Variants in CDK6 observed in about 807,000 individuals in gnomAD.
CDK6 encodes cyclin dependent kinase 6.
In CDK6, 6 loss-of-function variants were observed where a neutral mutation model predicts 37.1. The observed-to-expected ratio is 0.16, with a 90% CI of 0.09 to 0.32. The LOEUF (loss-of-function observed/expected upper bound fraction) is 0.32. Among genes scored for constraint, CDK6 ranks in the 10% least tolerant of loss-of-function variants. CDK6 has a pLI of 1.00. For synonymous variants in CDK6, 160 were observed against 161.3 expected, an observed-to-expected ratio of 0.99 and a Z score of 0.06; for missense variants, 224 against 418.9, an observed-to-expected ratio of 0.53 and a Z score of 4.06.
In CDK6 at chr7:92,609,494, A is replaced by G; in HGVS notation, c.*5646T>C. The G allele has an allele frequency of 1.7e-5, 4 of 229,138 alleles. No individual in the cohort carries two copies. In the East Asian group the frequency reaches 2.5e-4, roughly 14 times the overall value. The allele number at this position is 229,138 out of a possible 1,614,324, so 14.2% of individuals were successfully genotyped here. On this transcript the variant is annotated 3_prime_UTR_variant, in exon 8 of 8. Transcript: ENST00000424848. ...TTGTGATTCCACAAATGTTAAAATT[A>G]CCTGGTCTTTTGGTATTTTAGGGCT...
chr7:92,671,786 C>G (rs972721240), intron 4 of CDK6, among the ~76,000 whole-genome samples: 2 of 152,066 alleles, frequency 1.3e-5, no homozygotes, highest in African/African-American at 4.8e-5. Flanking sequence ...ACATGAGTTT[C>G]AGAAAGCAAA....
chr7:92,765,183 T>C (rs943946067), intron 3 of CDK6, among the ~76,000 whole-genome samples: 1 of 152,204 alleles, frequency 6.6e-6, no homozygotes, highest in Admixed American at 6.5e-5. Flanking sequence ...TTTTTAGATA[T>C]ATACTCCTGA....
At chr7:92,672,206 C>A (rs1045580853) in intron 4 of CDK6, among the ~76,000 whole-genome samples, 1 of 127,460 alleles carries the variant, frequency 7.8e-6, no homozygotes, top group Non-Finnish European at 1.7e-5. Context: ...CACACACACA[C>A]ACACACACAC....
chr7:92,809,542 C>T lies in CDK6; in HGVS notation c.233+23549G>A, dbSNP rs1396714000. Among the ~76,000 whole-genome samples the T allele has an allele frequency of 3.3e-5, 5 of 152,170 alleles. No individual in the cohort carries two copies. The South Asian group carries it at 1.0e-3, about 31-fold the overall frequency. ...ACTGAAGTTTGAACTCCATTTCCTT[C>T]CACTCCTGCCCTACTTATTAGGTTG... is the stretch of plus-strand genomic sequence containing the variant. On this transcript the variant is annotated intron_variant, in intron 2 of 7. Coordinates refer to ENST00000424848, the MANE Select transcript of CDK6 (RefSeq NM_001145306.2).
chr7:92,634,488 G>A (rs751875218), intron 5 of CDK6, among the ~76,000 whole-genome samples: 11 of 149,544 alleles, frequency 7.4e-5, no homozygotes, highest in Non-Finnish European at 1.0e-4. Flanking sequence ...TTTTTTTTTG[G>A]TAACAAAAAA....
chr7:92,605,663 TTTC>T lies in CDK6; in HGVS notation c.*9474_*9476del, dbSNP rs1333317016. ...TAGCCTTAGAGATAAGCTTTCTTTC[TTTC>T]TTCTTCTTTTGCTTCAAGAGGGCTT... On this transcript the variant is annotated 3_prime_UTR_variant, in exon 8 of 8. Transcript: ENST00000424848. 6 of 233,278 alleles carry T rather than the reference TTTC, an allele frequency of 2.6e-5. No homozygotes were observed. The highest frequency in any genetic ancestry group is 3.6e-4 in the South Asian group (2 of 5,526). 14.5% of individuals were successfully genotyped at this position (233,278 alleles called of 1,614,324 possible).
chr7:92,759,338 G>A (rs1427722929), intron 3 of CDK6, among the ~76,000 whole-genome samples: 1 of 152,100 alleles, frequency 6.6e-6, no homozygotes, highest in Non-Finnish European at 1.5e-5. Flanking sequence ...AGTGGTTTCT[G>A]TCTTAGTGAA....
intron 3 of CDK6, among the ~76,000 whole-genome samples, chr7:92,770,957 C>A (rs1344245697): frequency 1.3e-5 from 2 of 152,026 alleles, no homozygotes; most frequent in Non-Finnish European, 2.9e-5. Flanking sequence ...AAATATCTGG[C>A]CAGGCATGGT....
chr7:92,670,654 C>T lies in CDK6; in HGVS notation c.647+772G>A, dbSNP rs192182568. Among the ~76,000 whole-genome samples, 1,076 of 152,236 alleles carry T rather than the reference C, an allele frequency of 7.1e-3. 4 individuals carry two copies. Among genetic ancestry groups the T allele is most frequent in the Non-Finnish European group, 8.6e-3 (587 of 68,012 alleles). ...TCTTGTGACCTGAAAATCAAACAAA[C>T]GAATCACATGCTCTCTTAGAGGGAA... On this transcript the variant is annotated intron_variant, in intron 5 of 7. Transcript: ENST00000424848.
chr7:92,805,586 A>T (rs1275772990), intron 2 of CDK6, among the ~76,000 whole-genome samples: 1 of 152,184 alleles, frequency 6.6e-6, no homozygotes, highest in East Asian at 1.9e-4. Flanking sequence ...ACCAAAAAAA[A>T]ACTACCATGA....
chr7:92,692,545 A>G (rs944412193), intron 4 of CDK6, among the ~76,000 whole-genome samples: 1 of 152,188 alleles, frequency 6.6e-6, no homozygotes, highest in Non-Finnish European at 1.5e-5. Context: ...GCACTTTGGG[A>G]GGCCGAGGTG....
intron 4 of CDK6, among the ~76,000 whole-genome samples, chr7:92,698,977 T>C (rs1797781181): frequency 6.6e-6 from 1 of 152,208 alleles, no homozygotes; most frequent in Non-Finnish European, 1.5e-5. Context: ...CATGCTACTA[T>C]TATAAAGAAC....
chr7:92,820,980 T>TG (rs1230195903), intron 2 of CDK6, among the ~76,000 whole-genome samples: 16 of 147,638 alleles, frequency 1.1e-4, no homozygotes, highest in East Asian at 2.0e-4. Context: ...AAGCTGGGGG[T>TG]GGGGGGGTGG....
intron 3 of CDK6, among the ~76,000 whole-genome samples, chr7:92,767,911 C>T (rs1333552613): frequency 6.6e-6 from 1 of 151,918 alleles, no homozygotes; most frequent in Non-Finnish European, 1.5e-5. Context: ...TTAAAAAAAA[C>T]AGAATGTCTC....
intron 5 of CDK6, among the ~76,000 whole-genome samples, chr7:92,661,402 A>G (rs1248037735): frequency 3.3e-5 from 5 of 152,210 alleles, no homozygotes; most frequent in Admixed American, 6.5e-5. Flanking sequence ...TGTGCAGTCA[A>G]AAGTCCATGT....
intron 7 of CDK6, among the ~76,000 whole-genome samples, chr7:92,617,869 G>GCC (rs1795715576): frequency 6.6e-6 from 1 of 152,168 alleles, no homozygotes; most frequent in Non-Finnish European, 1.5e-5. Flanking sequence ...GGATCAGAAA[G>GCC]ACATTCCAGA....
chr7:92,727,345 T>C (rs1028095712), intron 3 of CDK6, among the ~76,000 whole-genome samples: 2 of 152,228 alleles, frequency 1.3e-5, no homozygotes, highest in Admixed American at 1.3e-4. Context: ...ATTTGGTTAC[T>C]GGTTTATGGT....
intron 4 of CDK6, among the ~76,000 whole-genome samples, chr7:92,693,576 T>A (rs1562937960): frequency 1.3e-5 from 2 of 152,230 alleles, no homozygotes; most frequent in Admixed American, 1.3e-4. Flanking sequence ...CTTTAACATG[T>A]TTTAATTTTT....
chr7:92,709,758 G>A (rs1214418030), intron 4 of CDK6, among the ~76,000 whole-genome samples: 1 of 151,958 alleles, frequency 6.6e-6, no homozygotes, highest in East Asian at 1.9e-4. Context: ...GCAATCCTTA[G>A]CTTCCTGAAT....
Sources: gnomAD v4.1 joint callset for allele counts (sites outside exome capture counted in the v4.1 genomes callset) on GRCh38, gnomAD v4.1.1 for gene constraint, MANE v1.5 for transcripts, NCBI Gene and HGNC (gene_info 2026-07-23, HGNC 2026-07-21) for gene names.